LDLRAD4: variants seen among roughly 807,000 people sequenced by gnomAD.
LDLRAD4 encodes the protein low density lipoprotein receptor class A domain containing 4, also known as low-density lipoprotein receptor class A domain-containing protein 4.
A neutral mutation model predicts 17.0 loss-of-function variants in LDLRAD4; 5 were observed. That is an observed-to-expected ratio of 0.29 (90% CI 0.15 to 0.62). LDLRAD4 has a LOEUF of 0.62. LDLRAD4 is among the 20% of genes least tolerant of loss of function. LDLRAD4 has a pLI of 0.84. For missense variants in LDLRAD4, 340 were observed against 424.7 expected (o/e 0.80, Z 1.75); for synonymous variants, 168 against 171.8 (o/e 0.98, Z 0.17).
intron 1 of LDLRAD4, among the ~76,000 whole-genome samples, chr18:13,331,987 C>T (rs1328874013): frequency 6.6e-6 from 1 of 152,218 alleles, no homozygotes; most frequent in Non-Finnish European, 1.5e-5. Flanking sequence ...AGGTGTGTGC[C>T]ATGGCACCTG....
At chr18:13,284,454 G>A (rs2045489877) in intron 1 of LDLRAD4, among the ~76,000 whole-genome samples, 1 of 152,142 alleles carries the variant, frequency 6.6e-6, no homozygotes, top group South Asian at 2.1e-4. Context: ...GTCAGTTCAT[G>A]CCTAGCACAG....
chr18:13,312,890 T>C lies in LDLRAD4; in HGVS notation c.-383+34702T>C, dbSNP rs576260631. ...TGGGAAAACTCTTCCTAAGCTTCAG[T>C]TGCATTATATGTTCTCTGTGATGTT... is the stretch of plus-strand genomic sequence containing the variant. On this transcript the variant is annotated intron_variant, in intron 1 of 5. Transcript: ENST00000359446. Among the ~76,000 whole-genome samples, 3 of 152,324 alleles carry C rather than the reference T, an allele frequency of 2.0e-5. No individual in the cohort carries two copies. In the East Asian group the frequency reaches 5.8e-4, roughly 29 times the overall value.
chr18:13,239,731 T>G (rs2042532308), intron 1 of LDLRAD4: 5 of 152,316 alleles, frequency 3.3e-5, no homozygotes, highest in Admixed American at 3.3e-4. Context: ...GCCCTGGCTG[T>G]CCTTGGCGGG....
At chr18:13,345,088 G>C (rs1386406442) in intron 1 of LDLRAD4, among the ~76,000 whole-genome samples, 2 of 152,072 alleles carry the variant, frequency 1.3e-5, no homozygotes, top group South Asian at 2.1e-4. Context: ...TCTCCTGCCT[G>C]ATTGCCCTGG....
intron 3 of LDLRAD4, among the ~76,000 whole-genome samples, chr18:13,458,919 C>T (rs192402786): frequency 9.2e-5 from 14 of 152,284 alleles, no homozygotes; most frequent in Non-Finnish European, 1.3e-4. Context: ...AAATATTCTC[C>T]CCTAGAGCTC....
rs143153072 is a variant in LDLRAD4 at position 13,621,527 on chromosome 18, C to A, written c.336+256C>A. On this transcript the variant is annotated intron_variant, in intron 4 of 5. Transcript: ENST00000359446. This position sits in a 1 kb window ranked among gnomAD's most constrained non-coding sequence, Gnocchi z 5.5. ...CCAGGTCTCCCCTGGATCTTTGCTG[C>A]CCGACGTGGCTTTGCCAGCTTCTGA... Among the ~76,000 whole-genome samples the A allele has an allele frequency of 6.6e-6, 1 of 152,220 alleles. No homozygotes were observed. The highest frequency in any genetic ancestry group is 2.1e-4 in the South Asian group (1 of 4,826).
intron 1 of LDLRAD4, among the ~76,000 whole-genome samples, chr18:13,386,914 A>AGATGGATG (rs1568082565): frequency 2.2e-5 from 1 of 46,148 alleles, no homozygotes; most frequent in Non-Finnish European, 6.5e-5. Flanking sequence ...ATAGATAGAT[A>AGATGGATG]GATAGATAGA....
intron 1 of LDLRAD4, among the ~76,000 whole-genome samples, chr18:13,376,090 G>A (rs1033407982): frequency 6.6e-6 from 1 of 152,118 alleles, no homozygotes; most frequent in Non-Finnish European, 1.5e-5. Context: ...CAGACTCTGG[G>A]AGGGAGGGTA....
chr18:13,268,439 A>T (rs1222528132), intron 1 of LDLRAD4, among the ~76,000 whole-genome samples: 1 of 152,218 alleles, frequency 6.6e-6, no homozygotes. Context: ...GAGTCAGCAC[A>T]TGCAAAATGC....
At chr18:13,277,141 C>T (rs1299236321), upstream of LDLRAD4, among the ~76,000 whole-genome samples, 21 of 152,110 alleles carry the variant, frequency 1.4e-4, no homozygotes, top group Admixed American at 1.1e-3. Flanking sequence ...TAGGTGCAGC[C>T]GTGTTTTATC....
At chr18:13,228,726 C>CT (rs2041929868) in intron 1 of LDLRAD4, among the ~76,000 whole-genome samples, 1 of 152,158 alleles carries the variant, frequency 6.6e-6, no homozygotes, top group Non-Finnish European at 1.5e-5. Flanking sequence ...CCCTAAAACA[C>CT]TTAGCTTTCC....
At chr18:13,582,855 G>A (rs891084095) in intron 3 of LDLRAD4, among the ~76,000 whole-genome samples, 1 of 152,168 alleles carries the variant, frequency 6.6e-6, no homozygotes, top group African/African-American at 2.4e-5. Flanking sequence ...TAGGACTATA[G>A]GTGCATGCCG....
intron 1 of LDLRAD4, among the ~76,000 whole-genome samples, chr18:13,242,569 A>G (rs1567924321): frequency 6.6e-6 from 1 of 152,242 alleles, no homozygotes; most frequent in South Asian, 2.1e-4. Flanking sequence ...TCTGTATAGT[A>G]TATAGAAAAA....
intron 2 of LDLRAD4, among the ~76,000 whole-genome samples, chr18:13,431,008 A>C (rs887856969): frequency 6.6e-6 from 1 of 152,242 alleles, no homozygotes; most frequent in Non-Finnish European, 1.5e-5. Context: ...AGATGATGCC[A>C]TAGGGAATTA....
chr18:13,520,196 C>T (rs1422437169), intron 3 of LDLRAD4: 2 of 152,096 alleles, frequency 1.3e-5, no homozygotes, highest in Non-Finnish European at 2.9e-5. Context: ...GGGGATGAGT[C>T]GAATTTTCAC....
intron 3 of LDLRAD4, among the ~76,000 whole-genome samples, chr18:13,451,282 G>A (rs999201964): frequency 7.2e-5 from 11 of 152,200 alleles, no homozygotes; most frequent in African/African-American, 2.4e-4. Flanking sequence ...GGTGGGGCCA[G>A]GCGGGAGGTG....
chr18:13,620,639 A>G (rs563886846), intron 3 of LDLRAD4, among the ~76,000 whole-genome samples: 1 of 152,214 alleles, frequency 6.6e-6, no homozygotes, highest in East Asian at 1.9e-4. Flanking sequence ...CCCAGGGGAG[A>G]CCTGACCACT....
At chr18:13,574,688 A>T (rs1168925786) in intron 3 of LDLRAD4, among the ~76,000 whole-genome samples, 1 of 152,152 alleles carries the variant, frequency 6.6e-6, no homozygotes, top group Admixed American at 6.5e-5. Context: ...GGCCCTCCGA[A>T]ATGCCTCAAT....
chr18:13,226,180 C>CTCTTTTTTTTTTTTTTT (rs71370946), intron 1 of LDLRAD4, among the ~76,000 whole-genome samples: 6 of 52,188 alleles, frequency 1.1e-4, no homozygotes, highest in African/African-American at 4.7e-4. Context: ...CCATGCCTTG[C>CTCTTTTTTTTTTTTTTT]TTTTTTTTTT....
Sources: gnomAD v4.1 joint callset for allele counts (sites outside exome capture counted in the v4.1 genomes callset) on GRCh38, gnomAD v4.1.1 for gene constraint, Gnocchi (gnomAD v3.1) non-coding constraint, MANE v1.5 for transcripts, NCBI Gene and HGNC (gene_info 2026-07-23, HGNC 2026-07-21) for gene names.